The following SMIM22 variants were observed in gnomAD, a reference collection of about 807,000 sequenced individuals.
SMIM22 encodes the protein cancer associated small integral membrane open reading frame 1.
A neutral mutation model predicts 8.4 loss-of-function variants in SMIM22; 16 were observed. That is an observed-to-expected ratio of 1.90 (90% confidence interval 1.29 to 2.89). The LOEUF (loss-of-function observed/expected upper bound fraction) is 2.89. Ranked by LOEUF, SMIM22 falls within the 30% of genes most tolerant of loss-of-function variation. The pLI is 0.00. For missense variants in SMIM22, 159 were observed against 107.5 expected, an observed-to-expected ratio of 1.48 and a Z score of -2.12; for synonymous variants, 67 against 47.6, an observed-to-expected ratio of 1.41 and a Z score of -1.68.
chr16:4,793,728 T>C (rs2082589697), upstream of SMIM22, among the ~76,000 whole-genome samples: 1 of 152,316 alleles, frequency 6.6e-6, no homozygotes, highest in South Asian at 2.1e-4. Flanking sequence ...CTGTTCCCTA[T>C]ACAATGTAAC....
chr16:4,788,919 G>C (rs577022885), intron 2 of SMIM22: 1 of 152,338 alleles, frequency 6.6e-6, no homozygotes, highest in South Asian at 2.1e-4. Context: ...GTATCTTAGA[G>C]GTTATCACCC....
At chr16:4,791,576 T>C (rs1305581858), upstream of SMIM22, among the ~76,000 whole-genome samples, 1 of 152,152 alleles carries the variant, frequency 6.6e-6, no homozygotes, top group East Asian at 1.9e-4. Context: ...GTGGGTCTTA[T>C]GGCATGCAAT....
upstream of SMIM22, among the ~76,000 whole-genome samples, chr16:4,792,872 G>A (rs1330273121): frequency 6.6e-6 from 1 of 151,204 alleles, no homozygotes; most frequent in Non-Finnish European, 1.5e-5. Context: ...CACTTTGGGA[G>A]GCCAAGGTGG....
chr16:4,788,523 C>T (rs1423461624), exon 1 of SMIM22: 1 of 152,198 alleles, frequency 6.6e-6, no homozygotes, highest in East Asian at 1.9e-4. Context: ...GGGCCCAAGG[C>T]CCCCTCGTCA....
intron 3 of SMIM22, 24 bp from the exon 4 acceptor site, chr16:4,796,166 G>C: frequency 6.5e-7 from 1 of 1,536,028 alleles, no homozygotes; most frequent in Non-Finnish European, 8.7e-7. Flanking sequence ...GAACCTGCTT[G>C]GTCCCGCTGT....
chr16:4,793,857 G>T (rs1206981668), upstream of SMIM22, among the ~76,000 whole-genome samples: 1 of 151,826 alleles, frequency 6.6e-6, no homozygotes, highest in Non-Finnish European at 1.5e-5. Flanking sequence ...GCTCACTGCA[G>T]CCTCTGCCTC....
At chr16:4,793,947 AT>A (rs761143483), upstream of SMIM22, among the ~76,000 whole-genome samples, 29 of 144,752 alleles carry the variant, frequency 2.0e-4, no homozygotes, top group Non-Finnish European at 2.6e-4. Flanking sequence ...CAGCCAATTT[AT>A]TTTTTTTGAG....
upstream of SMIM22, chr16:4,795,189 C>G (rs1032897735): frequency 6.8e-6 from 1 of 148,002 alleles, no homozygotes; most frequent in African/African-American, 2.5e-5. Context: ...AGCTGCATAT[C>G]TGGGATACTG....
At chr16:4,789,185 T>A (rs2082508869) in intron 2 of SMIM22, among the ~76,000 whole-genome samples, 1 of 152,062 alleles carries the variant, frequency 6.6e-6, no homozygotes, top group Admixed American at 6.5e-5. Context: ...GCTAATTTTG[T>A]ATTTTTAGTA....
chr16:4,793,552 A>G (rs1596268593), upstream of SMIM22, among the ~76,000 whole-genome samples: 1 of 152,206 alleles, frequency 6.6e-6, no homozygotes, highest in East Asian at 1.9e-4. Context: ...ACATTAGCTG[A>G]TATTTTCAAG....
At chr16:4,789,450 C>T (rs1392270693) in intron 2 of SMIM22, among the ~76,000 whole-genome samples, 1 of 152,052 alleles carries the variant, frequency 6.6e-6, no homozygotes. Flanking sequence ...CTCAGCCTCC[C>T]GAGTAGCTGG....
upstream of SMIM22, among the ~76,000 whole-genome samples, chr16:4,790,737 C>T (rs969732932): frequency 1.3e-5 from 2 of 152,218 alleles, no homozygotes; most frequent in African/African-American, 4.8e-5. Flanking sequence ...TGCAGTGAGC[C>T]GAGATCGTGC....
intron 2 of SMIM22, among the ~76,000 whole-genome samples, chr16:4,789,253 C>G (rs1479433409): frequency 6.6e-6 from 1 of 152,176 alleles, no homozygotes; most frequent in East Asian, 1.9e-4. Flanking sequence ...CTCAAGTGAT[C>G]CACCAACCCT....
At chr16:4,792,774 C>A (rs187910732), upstream of SMIM22, among the ~76,000 whole-genome samples, 1 of 148,594 alleles carries the variant, frequency 6.7e-6, no homozygotes, top group Admixed American at 6.7e-5. Flanking sequence ...TGCACTCCAG[C>A]CTGCCAGCCT....
upstream of SMIM22, chr16:4,788,412 C>CT (rs1043313197): frequency 6.6e-6 from 1 of 152,610 alleles, no homozygotes; most frequent in African/African-American, 2.4e-5. Flanking sequence ...TGCTGTGACC[C>CT]CCACCTGGAG....
chr16:4,795,480 G>C (rs1482903112), intron 1 of SMIM22, 31 bp downstream of exon 1: 1 of 534,840 alleles, frequency 1.9e-6, no homozygotes, highest in Non-Finnish European at 3.3e-6. Context: ...TGGGCTGCCA[G>C]GGGGAGAGAG....
At chr16:4,794,625 G>C (rs2082603929), upstream of SMIM22, among the ~76,000 whole-genome samples, 1 of 151,826 alleles carries the variant, frequency 6.6e-6, no homozygotes, top group South Asian at 2.1e-4. Context: ...TCTCCACGTT[G>C]GTCAGTCAGG....
upstream of SMIM22, among the ~76,000 whole-genome samples, chr16:4,791,281 T>C (rs541414482): frequency 2.7e-3 from 411 of 152,108 alleles, no homozygotes; most frequent in Non-Finnish European, 4.6e-3. Context: ...CCCGGTGGTG[T>C]TGACTGGCAA....
upstream of SMIM22, chr16:4,795,271 G>C (rs1323226726): frequency 6.1e-6 from 1 of 162,866 alleles, no homozygotes; most frequent in Non-Finnish European, 1.3e-5. Context: ...TCCAGCAGTG[G>C]GGAGCCAGGG....
Sources: allele counts gnomAD v4.1 joint callset (sites outside exome capture counted in the v4.1 genomes callset), GRCh38; gene constraint gnomAD v4.1.1; transcripts MANE v1.5; gene names NCBI Gene and HGNC (gene_info 2026-07-23, HGNC 2026-07-21).